Variants in NTNG2 observed in about 807,000 individuals in gnomAD.
The protein encoded by NTNG2 is netrin G2.
In NTNG2, 15 loss-of-function variants were observed where a neutral mutation model predicts 47.6. The observed-to-expected ratio is 0.32, with a 90% CI of 0.21 to 0.49. The LOEUF is 0.49. Ranked by LOEUF, NTNG2 falls within the 20% of genes least tolerant of loss-of-function variation. NTNG2 has a pLI of 0.99. For missense variants in NTNG2, 578 were observed against 764.6 expected (o/e 0.76, Z 2.88); for synonymous variants, 307 against 324.6 (o/e 0.95, Z 0.58).
intron 5 of NTNG2, chr9:132,238,893 A>T (rs748479961): frequency 6.2e-6 from 4 of 644,028 alleles, no homozygotes; most frequent in Non-Finnish European, 1.1e-5. Context: ...GGCTCAGCCT[A>T]CTCAGGTTCT....
rs1047445622 is a variant in NTNG2 at position 132,162,907 on chromosome 9, G to T, written c.-484+668G>T. ...CCTGGAACTGAGCGGCGCGCAGGTG[G>T]GGGGAGCAGAGGCGGCGGGAAGGCG... On this transcript the variant is annotated intron_variant, in intron 1 of 7. Transcript: ENST00000393229. The surrounding 1 kb of genome is among the most constrained non-coding windows in gnomAD (Gnocchi z 4.6). 6.6e-6 allele frequency among the ~76,000 whole-genome samples: 1 copy of T among 152,236 alleles called. No homozygotes were observed. Among genetic ancestry groups the T allele is most frequent in the East Asian group, 1.9e-4 (1 of 5,130 alleles).
chr9:132,230,398 C>T lies in NTNG2; in HGVS notation c.1031-174C>T, dbSNP rs370193074. On this transcript the variant is annotated intron_variant, in intron 4 of 7. Coordinates refer to ENST00000393229, the MANE Select transcript of NTNG2 (RefSeq NM_032536.4). The stretch of plus-strand genomic sequence containing the variant: ...AGGATGAAATGGGATAATCCACCCC[C>T]GTCCCCACACCCTGCAGGTCATCAT... 3.4e-3 allele frequency among the ~76,000 whole-genome samples: 525 copies of T among 152,316 alleles called. 8 individuals carry two copies. The highest frequency in any genetic ancestry group is 0.011 in the African/African-American group (471 of 41,558).
Position 132,239,219 on chromosome 9 carries a change from G to A in NTNG2, c.1170G>A (p.Leu390=). The change falls in exon 6 of 8, where the codon CTG becomes CTA. Residue 390 remains leucine, a synonymous_variant. Coordinates refer to ENST00000393229, the MANE Select transcript of NTNG2 (RefSeq NM_032536.4). ...GTCAGCACTGCCAGCACTGCCGGCT[G>A]GGCTACTACCGCAACGGCTCGGCAG... ...TRGQHCQHCR[L]GYYRNGSAEL... is the part of the protein sequence containing the mutation. The A allele has an allele frequency of 3.1e-6, 5 of 1,613,802 alleles. No homozygotes were observed. Among genetic ancestry groups the A allele is most frequent in the Non-Finnish European group, 3.4e-6 (4 of 1,180,030 alleles).
rs761781350 is a variant in NTNG2 at position 132,182,931 on chromosome 9, G to A, written c.214-15035G>A. Among the ~76,000 whole-genome samples the A allele has an allele frequency of 1.3e-5, 2 of 152,078 alleles. No homozygotes were observed. Among genetic ancestry groups the A allele is most frequent in the Non-Finnish European group, 2.9e-5 (2 of 68,006 alleles). ...ACCAGCTTCAGCAGCCTCTCTGGGCGGCCCAGCAGGAGGAGGCATTAAACC... is the reference window on the plus strand; with the variant it reads ...ACCAGCTTCAGCAGCCTCTCTGGGCAGCCCAGCAGGAGGAGGCATTAAACC... On this transcript the variant is annotated intron_variant, in intron 2 of 7. Coordinates refer to ENST00000393229, the MANE Select transcript of NTNG2 (RefSeq NM_032536.4). This position sits in a 1 kb window ranked among gnomAD's most constrained non-coding sequence, Gnocchi z 4.2.
intron 5 of NTNG2, chr9:132,232,195 T>A (rs1211228255): frequency 2.0e-5 from 3 of 152,436 alleles, no homozygotes; most frequent in Non-Finnish European, 4.4e-5. Flanking sequence ...GCCTCCGTGG[T>A]CCCTGGAGCC....
At chr9:132,211,103 C>T in intron 3 of NTNG2, among the ~76,000 whole-genome samples, 1 of 152,204 alleles carries the variant, frequency 6.6e-6, no homozygotes, top group South Asian at 2.1e-4. Flanking sequence ...GCCCGGGGTT[C>T]ACCAGAGGCC....
rs763446373 is a variant in NTNG2, at chr9:132,215,078, G to A, written c.858-11771G>A. On this transcript the variant is annotated intron_variant, in intron 3 of 7. Transcript: ENST00000393229. The surrounding 1 kb of genome is among the most constrained non-coding windows in gnomAD (Gnocchi z 4.2). ...TTTTTTTAATTTTTTTGTAGAGATT[G>A]GGGGGGGGGGTCTCACTTTCTTGCC... 8.7e-5 allele frequency among the ~76,000 whole-genome samples: 2 copies of A among 23,012 alleles called. No homozygotes were observed. Among genetic ancestry groups the A allele is most frequent in the Non-Finnish European group, 1.6e-4 (2 of 12,368 alleles). 15.1% of individuals were successfully genotyped at this position (23,012 alleles called of 152,430 possible). A position where few individuals can be genotyped will look rare whatever the true frequency, so the allele number is the denominator to read the frequency against.
intron 2 of NTNG2, among the ~76,000 whole-genome samples, chr9:132,172,257 C>T (rs1027959009): frequency 3.9e-5 from 6 of 152,208 alleles, no homozygotes; most frequent in Non-Finnish European, 8.8e-5. Flanking sequence ...CTCCAGGAGG[C>T]CTTCTCTGAC....
At chr9:132,227,237 A>G (rs1470653340) in intron 4 of NTNG2, among the ~76,000 whole-genome samples, 3 of 152,090 alleles carry the variant, frequency 2.0e-5, no homozygotes, top group Admixed American at 1.3e-4. Context: ...ACAGAAACAC[A>G]CGTGCGTGCA....
intron 2 of NTNG2, among the ~76,000 whole-genome samples, chr9:132,176,461 G>A (rs1228760461): frequency 6.6e-6 from 1 of 152,168 alleles, no homozygotes; most frequent in African/African-American, 2.4e-5. Flanking sequence ...CTTTGTGATG[G>A]CCTTCCTTCA....
At chr9:132,188,889 C>T (rs1391784073) in intron 2 of NTNG2, among the ~76,000 whole-genome samples, 1 of 152,144 alleles carries the variant, frequency 6.6e-6, no homozygotes, top group Non-Finnish European at 1.5e-5. Context: ...GATGTGGTCG[C>T]TGCCCGCATG....
chr9:132,227,112 C>T (rs1840825168), intron 4 of NTNG2, 91 bp downstream of exon 4: 1 of 1,348,854 alleles, frequency 7.4e-7, no homozygotes, highest in South Asian at 1.4e-5. Context: ...CACACGCACA[C>T]AAACCTGCAC....
intron 2 of NTNG2, among the ~76,000 whole-genome samples, chr9:132,175,562 CG>C (rs1836371287): frequency 6.6e-6 from 1 of 152,208 alleles, no homozygotes; most frequent in South Asian, 2.1e-4. Context: ...ACAGGAGAAA[CG>C]GCAGATGATG....
At chr9:132,173,502 C>T (rs6597547) in intron 2 of NTNG2, among the ~76,000 whole-genome samples, 70,346 of 152,054 alleles carry the variant, frequency 0.46, 17,419 homozygotes, top group African/African-American at 0.64. Context: ...CCTTTCCGGT[C>T]TGCGCATCCC....
rs1256855261 is a variant in NTNG2 at position 132,243,539 on chromosome 9, C to G, written c.*1428C>G. On this transcript the variant is annotated 3_prime_UTR_variant, in exon 8 of 8. Transcript: ENST00000393229. ...CTCCAGCCCTGGGGCCACACTTCCCCCTCGGTCCAGCCTCCTGTCCACCTA... is the reference window on the plus strand; with the variant it reads ...CTCCAGCCCTGGGGCCACACTTCCCGCTCGGTCCAGCCTCCTGTCCACCTA... The G allele has an allele frequency of 6.6e-6, 1 of 152,410 alleles. No individual in the cohort carries two copies. Among genetic ancestry groups the G allele is most frequent in the African/African-American group, 2.4e-5 (1 of 41,434 alleles). The allele number at this position is 152,410 out of a possible 1,614,324, so 9.4% of individuals were successfully genotyped here. A position where few individuals can be genotyped will look rare whatever the true frequency, so the allele number is the denominator to read the frequency against.
intron 5 of NTNG2, among the ~76,000 whole-genome samples, chr9:132,235,122 G>A (rs139178536): frequency 9.4e-4 from 143 of 152,326 alleles, no homozygotes; most frequent in African/African-American, 3.2e-3. Flanking sequence ...GGTCAGGAAG[G>A]TAGAAGGGCA....
chr9:132,204,007 C>CT (rs1838980748), intron 3 of NTNG2, among the ~76,000 whole-genome samples: 1 of 152,158 alleles, frequency 6.6e-6, no homozygotes, highest in African/African-American at 2.4e-5. Flanking sequence ...AAATTAAGGT[C>CT]TTGTGTGCCC....
chr9:132,190,804 C>T lies in NTNG2; in HGVS notation c.214-7162C>T, dbSNP rs146604599. Among the ~76,000 whole-genome samples the T allele has an allele frequency of 2.6e-5, 4 of 152,346 alleles. No individual in the cohort carries two copies. In the East Asian group the frequency reaches 7.7e-4, roughly 29 times the overall value. The stretch of plus-strand genomic sequence containing the variant: ...TTTCATGCCAGGAGCTCAGGCTTGG[C>T]ATCTGTGTAGGAGGCTCCTCCTCAC... On this transcript the variant is annotated intron_variant, in intron 2 of 7. Transcript: ENST00000393229.
At chr9:132,189,094 T>TTTTTTTTTTTTTTTTA (rs1204845571) in intron 2 of NTNG2, among the ~76,000 whole-genome samples, 1 of 139,530 alleles carries the variant, frequency 7.2e-6, no homozygotes, top group Non-Finnish European at 1.5e-5. Context: ...TTTTTTTTTT[T>TTTTTTTTTTTTTTTTA]TAGACAGGGT....
Sources: gnomAD v4.1 joint callset for allele counts (sites outside exome capture counted in the v4.1 genomes callset) on GRCh38, gnomAD v4.1.1 for gene constraint, Gnocchi (gnomAD v3.1) non-coding constraint, MANE v1.5 for transcripts, NCBI Gene and HGNC (gene_info 2026-07-23, HGNC 2026-07-21) for gene names.